Variants in GRB10 observed in about 807,000 individuals in gnomAD.
The protein encoded by GRB10 is growth factor receptor bound protein 10.
GRB10 carries 20 observed loss-of-function variants against 80.9 expected under a neutral mutation model. That is an observed-to-expected ratio of 0.25 (90% CI 0.17 to 0.36). The LOEUF is 0.36. GRB10 is among the 10% of genes least tolerant of loss of function. The pLI is 1.00. For missense variants in GRB10, 548 were observed against 747.7 expected, an observed-to-expected ratio of 0.73 and a Z score of 3.12; for synonymous variants, 291 against 291.5, an observed-to-expected ratio of 1.00 and a Z score of 0.02.
chr7:50,726,357 C>T (rs1365155615), intron 4 of GRB10, among the ~76,000 whole-genome samples: 1 of 151,912 alleles, frequency 6.6e-6, no homozygotes, highest in African/African-American at 2.4e-5. Flanking sequence ...GAGATTGGGC[C>T]ACTGCATTCC....
chr7:50,706,188 A>G (rs1026776598), intron 4 of GRB10, among the ~76,000 whole-genome samples: 2 of 152,208 alleles, frequency 1.3e-5, no homozygotes, highest in Non-Finnish European at 2.9e-5. Flanking sequence ...GTTGTACACA[A>G]CTAGACACTG....
At chr7:50,786,272 T>C (rs2078691131), upstream of GRB10, among the ~76,000 whole-genome samples, 1 of 151,800 alleles carries the variant, frequency 6.6e-6, no homozygotes, top group South Asian at 2.1e-4. Context: ...ACCAAATAAC[T>C]GCCATCCTAG....
chr7:50,592,856 G>A lies in GRB10; in HGVS notation c.*96C>T. On this transcript the variant is annotated 3_prime_UTR_variant, in exon 19 of 19. Coordinates refer to ENST00000401949, the MANE Select transcript of GRB10 (RefSeq NM_001350814.2). ...AAACCCATCTCGCTCTGGGTCCCCA[G>A]GTGCAGAATCGATGTGTGTTCTTCA... 1 of 1,390,988 alleles carries A rather than the reference G, an allele frequency of 7.2e-7. No homozygotes were observed. The highest frequency in any genetic ancestry group is 1.0e-6 in the Non-Finnish European group (1 of 980,872). 86.2% of individuals were successfully genotyped at this position (1,390,988 alleles called of 1,614,324 possible).
chr7:50,769,304 T>C (rs903041014), intron 2 of GRB10, among the ~76,000 whole-genome samples: 1 of 152,170 alleles, frequency 6.6e-6, no homozygotes, highest in African/African-American at 2.4e-5. Flanking sequence ...TGTCCTCCAC[T>C]GTTGTGATGC....
intron 3 of GRB10, among the ~76,000 whole-genome samples, chr7:50,736,557 C>T (rs1381068154): frequency 6.6e-6 from 1 of 152,150 alleles, no homozygotes; most frequent in African/African-American, 2.4e-5. Flanking sequence ...CTTTGGGAGG[C>T]AGAGACAGGT....
At chr7:50,615,542 C>T (rs775389829) in intron 11 of GRB10, among the ~76,000 whole-genome samples, 7 of 152,236 alleles carry the variant, frequency 4.6e-5, no homozygotes, top group Non-Finnish European at 1.0e-4. Context: ...CCCAGATGCT[C>T]AACACCTGTG....
intron 5 of GRB10, among the ~76,000 whole-genome samples, chr7:50,687,233 A>C (rs554281001): frequency 6.6e-6 from 1 of 152,364 alleles, no homozygotes; most frequent in South Asian, 2.1e-4. Flanking sequence ...CTTATTCCAA[A>C]AATGGATGGC....
intron 3 of GRB10, among the ~76,000 whole-genome samples, chr7:50,750,064 G>A (rs554214217): frequency 6.6e-6 from 1 of 152,198 alleles, no homozygotes; most frequent in Non-Finnish European, 1.5e-5. Flanking sequence ...CCCAGGTGGG[G>A]GCAAAGAAAA....
At chr7:50,669,650 C>G (rs768411286) in intron 7 of GRB10, 72 bp downstream of exon 7, 9 of 1,422,660 alleles carry the variant, frequency 6.3e-6, no homozygotes, top group Non-Finnish European at 7.9e-6. Flanking sequence ...AAGTAATAAT[C>G]TGGCACATCT....
chr7:50,631,500 T>C (rs1371129935), intron 7 of GRB10, among the ~76,000 whole-genome samples: 1 of 152,236 alleles, frequency 6.6e-6, no homozygotes, highest in African/African-American at 2.4e-5. Flanking sequence ...GCATACTTTT[T>C]AGTTCAAAAG....
chr7:50,767,972 A>T lies in GRB10; in HGVS notation c.-216-11916T>A, dbSNP rs1035213960. Among the ~76,000 whole-genome samples the T allele has an allele frequency of 2.0e-5, 3 of 152,306 alleles. No individual in the cohort carries two copies. In the East Asian group the frequency reaches 5.8e-4, roughly 29 times the overall value. On this transcript the variant is annotated intron_variant, in intron 2 of 18. Coordinates refer to ENST00000401949, the MANE Select transcript of GRB10 (RefSeq NM_001350814.2). ...TCCAAAGCTGGTTCCTTCTCTGTGC[A>T]GAGGGCCTCAGGTAATCATCTGCCT...
chr7:50,627,153 C>T (rs1410222403), intron 7 of GRB10, among the ~76,000 whole-genome samples, 175 bp from the exon 8 acceptor site: 1 of 152,174 alleles, frequency 6.6e-6, no homozygotes, highest in Admixed American at 6.5e-5. Context: ...CTCTTCCTCC[C>T]TATCTCCCCT....
intron 6 of GRB10, among the ~76,000 whole-genome samples, chr7:50,670,800 A>G (rs2060280854): frequency 6.6e-6 from 1 of 152,218 alleles, no homozygotes; most frequent in South Asian, 2.1e-4. Flanking sequence ...TTATATAAAA[A>G]GGTTGTTGAC....
At chr7:50,671,228 G>A (rs532625678) in intron 6 of GRB10, among the ~76,000 whole-genome samples, 53 of 152,094 alleles carry the variant, frequency 3.5e-4, no homozygotes, top group Non-Finnish European at 5.9e-4. Flanking sequence ...ATCTTCACTC[G>A]GCATTTCCAA....
intron 3 of GRB10, among the ~76,000 whole-genome samples, chr7:50,742,648 A>C (rs916952231): frequency 6.6e-6 from 1 of 151,872 alleles, no homozygotes; most frequent in African/African-American, 2.4e-5. Context: ...ACTGGACTGC[A>C]TATTACATCA....
At chr7:50,620,391 C>G (rs1177547966) in intron 8 of GRB10, among the ~76,000 whole-genome samples, 1 of 152,202 alleles carries the variant, frequency 6.6e-6, no homozygotes, top group African/African-American at 2.4e-5. Context: ...AAGGCAAAAG[C>G]ATTTCTGAGT....
At position 50,782,244 on chromosome 7, in the gene GRB10, C is replaced by T. The variant is rs555521478; in HGVS notation, c.-327+180G>A. On this transcript the variant is annotated intron_variant, in intron 1 of 18. Transcript: ENST00000401949. The surrounding 1 kb of genome is among the most constrained non-coding windows in gnomAD (Gnocchi z 6.6). ...CGAAGCTCGGGATCTCGGACTGCAG[C>T]GAGCCCGCGGCAGGCGGGCAGGGGG... Among the ~76,000 whole-genome samples, 4 of 151,940 alleles carry T rather than the reference C, an allele frequency of 2.6e-5. No homozygotes were observed. Among genetic ancestry groups the T allele is most frequent in the African/African-American group, 7.2e-5 (3 of 41,536 alleles).
At chr7:50,700,252 T>C (rs2063987077) in intron 5 of GRB10, among the ~76,000 whole-genome samples, 2 of 152,262 alleles carry the variant, frequency 1.3e-5, no homozygotes, top group South Asian at 4.1e-4. Context: ...GAGCTGTTTC[T>C]CTATTACGAT....
intron 7 of GRB10, among the ~76,000 whole-genome samples, chr7:50,629,352 C>T (rs2053571881): frequency 6.6e-6 from 1 of 152,110 alleles, no homozygotes; most frequent in Non-Finnish European, 1.5e-5. Context: ...TATAAATAGC[C>T]CGGGTATTAA....
Sources: gnomAD v4.1 joint callset for allele counts (sites outside exome capture counted in the v4.1 genomes callset) on GRCh38, gnomAD v4.1.1 for gene constraint, Gnocchi (gnomAD v3.1) non-coding constraint, MANE v1.5 for transcripts, NCBI Gene and HGNC (gene_info 2026-07-23, HGNC 2026-07-21) for gene names.